LRRC7: variants seen among roughly 807,000 people sequenced by gnomAD.
The protein encoded by LRRC7 is leucine-rich repeat-containing protein 7.
LRRC7 carries 23 observed loss-of-function variants against 175.7 expected under a neutral mutation model. The observed-to-expected ratio is 0.13, with a 90% CI of 0.09 to 0.19. The LOEUF (loss-of-function observed/expected upper bound fraction) is 0.19. LRRC7 is among the 10% of genes least tolerant of loss of function. The probability of loss-of-function intolerance (pLI) is 1.00; values close to 1 mark genes in which losing one functional copy is unlikely to be tolerated. For missense variants in LRRC7, 1,354 were observed against 1,904.7 expected (o/e 0.71, Z 5.38); for synonymous variants, 685 against 680.9 (o/e 1.01, Z -0.09).
chr1:69,823,822 C>A (rs1017082296), intron 4 of LRRC7, among the ~76,000 whole-genome samples: 19 of 152,074 alleles, frequency 1.2e-4, no homozygotes, highest in African/African-American at 4.3e-4. Flanking sequence ...TTAATCCTCA[C>A]TACAACTCTA....
At chr1:70,045,228 G>A (rs1558022300) in intron 22 of LRRC7, among the ~76,000 whole-genome samples, 2 of 152,036 alleles carry the variant, frequency 1.3e-5, no homozygotes, top group East Asian at 1.9e-4. Flanking sequence ...GCTGTGCCCG[G>A]TCTATACTGC....
intron 1 of LRRC7, among the ~76,000 whole-genome samples, chr1:69,571,340 C>T (rs542483541): frequency 1.1e-4 from 17 of 152,260 alleles, no homozygotes; most frequent in South Asian, 6.2e-4. Flanking sequence ...CAATTAAATT[C>T]TTATTCCACT....
chr1:69,734,215 C>T (rs970080263), intron 2 of LRRC7, among the ~76,000 whole-genome samples: 4 of 151,820 alleles, frequency 2.6e-5, no homozygotes, highest in African/African-American at 9.6e-5. Flanking sequence ...AAATTTAAAG[C>T]ATCCATATGC....
chr1:69,856,565 A>G (rs1286165530), intron 7 of LRRC7, among the ~76,000 whole-genome samples: 1 of 152,194 alleles, frequency 6.6e-6, no homozygotes, highest in Non-Finnish European at 1.5e-5. Context: ...TAAACCAGGA[A>G]GAAATTGAAT....
At chr1:69,580,198 G>C (rs368074173) in intron 1 of LRRC7, among the ~76,000 whole-genome samples, 15 of 152,044 alleles carry the variant, frequency 9.9e-5, no homozygotes, top group East Asian at 7.7e-4. Flanking sequence ...AAAGACAAAG[G>C]GTAAGTGAAA....
At chr1:69,800,409 C>A (rs1676331355) in intron 4 of LRRC7, among the ~76,000 whole-genome samples, 1 of 151,844 alleles carries the variant, frequency 6.6e-6, no homozygotes. Context: ...GGGTCATCTA[C>A]AATTTGTTTC....
chr1:69,970,570 T>C (rs752331020), intron 8 of LRRC7, among the ~76,000 whole-genome samples: 8 of 152,116 alleles, frequency 5.3e-5, no homozygotes, highest in Non-Finnish European at 1.2e-4. Flanking sequence ...CCTTCCTAGC[T>C]TAAATCAGGA....
chr1:69,605,112 G>T (rs1773320), intron 1 of LRRC7, among the ~76,000 whole-genome samples: 22,970 of 152,084 alleles, frequency 0.15, 1,915 homozygotes, highest in Admixed American at 0.19. Flanking sequence ...CCACATGTCA[G>T]GGGAGAAATC....
intron 7 of LRRC7, among the ~76,000 whole-genome samples, chr1:69,882,657 A>G (rs1407913561): frequency 6.0e-5 from 9 of 149,132 alleles, no homozygotes; most frequent in African/African-American, 2.2e-4. Flanking sequence ...GTACATGTGC[A>G]CATTGTGCAG....
intron 9 of LRRC7, among the ~76,000 whole-genome samples, chr1:69,985,800 T>A (rs1172960125): frequency 2.0e-5 from 3 of 152,238 alleles, no homozygotes; most frequent in Admixed American, 2.0e-4. Context: ...TTGTATAACA[T>A]GTATCAATAC....
intron 3 of LRRC7, among the ~76,000 whole-genome samples, chr1:69,788,733 A>C: frequency 6.6e-6 from 1 of 152,180 alleles, no homozygotes; most frequent in East Asian, 1.9e-4. Flanking sequence ...ATACTTCCAT[A>C]AATCAACTCC....
intron 25 of LRRC7, among the ~76,000 whole-genome samples, chr1:70,094,399 A>T (rs891173628): frequency 1.3e-4 from 20 of 152,198 alleles, no homozygotes; most frequent in Admixed American, 2.6e-4. Context: ...TGGTTTTTTT[A>T]AAATGCCTTA....
intron 3 of LRRC7, among the ~76,000 whole-genome samples, chr1:69,767,361 A>G (rs973988562): frequency 7.9e-5 from 12 of 152,186 alleles, no homozygotes; most frequent in African/African-American, 2.9e-4. Context: ...CTTAATACAA[A>G]TCCATCAGTT....
At chr1:69,891,723 C>T (rs1387784595) in intron 7 of LRRC7, among the ~76,000 whole-genome samples, 2 of 148,996 alleles carry the variant, frequency 1.3e-5, no homozygotes, top group African/African-American at 5.1e-5. Context: ...CAGAGTAAGA[C>T]TTTGTCTCAA....
At chr1:69,751,975 T>C (rs528002268) in intron 2 of LRRC7, among the ~76,000 whole-genome samples, 7 of 152,234 alleles carry the variant, frequency 4.6e-5, no homozygotes, top group Non-Finnish European at 7.4e-5. Flanking sequence ...TTTCCCTGTA[T>C]TGATAGCAAA....
intron 1 of LRRC7, among the ~76,000 whole-genome samples, chr1:69,662,714 T>C (rs1290810132): frequency 6.6e-6 from 1 of 152,236 alleles, no homozygotes; most frequent in Non-Finnish European, 1.5e-5. Context: ...TGGGTATCGA[T>C]TATTTTTGCA....
intron 7 of LRRC7, among the ~76,000 whole-genome samples, chr1:69,910,819 GC>G (rs1465623906): frequency 2.0e-5 from 3 of 152,246 alleles, no homozygotes; most frequent in Non-Finnish European, 4.4e-5. Flanking sequence ...ACAGAGGCAG[GC>G]AGGCCTCCTT....
At chr1:69,855,751 G>A (rs1240474710) in intron 7 of LRRC7, among the ~76,000 whole-genome samples, 1 of 152,104 alleles carries the variant, frequency 6.6e-6, no homozygotes, top group Non-Finnish European at 1.5e-5. Context: ...TCATTATTGT[G>A]TGGGAGTCTA....
At position 69,633,122 on chromosome 1, in the gene LRRC7, G is replaced by A. The variant is rs934068877; in HGVS notation, c.3-45259G>A. On this transcript the variant is annotated intron_variant, in intron 1 of 26. Coordinates refer to ENST00000651989, the MANE Select transcript of LRRC7 (RefSeq NM_001370785.2). Reference sequence around the variant, plus strand: ...TCATAAAGTTTCCATAAGATACCAAGTTTGACCTGGAACTATTAAATCAAC... The same window carrying A: ...TCATAAAGTTTCCATAAGATACCAAATTTGACCTGGAACTATTAAATCAAC... Among the ~76,000 whole-genome samples the A allele has an allele frequency of 5.3e-5, 8 of 152,032 alleles. 1 individual carries two copies.
Sources: allele counts gnomAD v4.1 joint callset (sites outside exome capture counted in the v4.1 genomes callset), GRCh38; gene constraint gnomAD v4.1.1; transcripts MANE v1.5; gene names NCBI Gene and HGNC (gene_info 2026-07-23, HGNC 2026-07-21).